The following IL1RAPL1 variants were observed in gnomAD, a reference collection of about 807,000 sequenced individuals.
The protein encoded by IL1RAPL1 is interleukin 1 receptor accessory protein like 1, also known as interleukin-1 receptor accessory protein-like 1.
IL1RAPL1 carries 3 observed loss-of-function variants against 48.4 expected under a neutral mutation model. That is an observed-to-expected ratio of 0.06 (90% CI 0.03 to 0.16). The LOEUF is 0.16. IL1RAPL1 is among the 10% of genes least tolerant of loss of function. The pLI is 1.00. For synonymous variants in IL1RAPL1, 185 were observed against 187.7 expected (o/e 0.99, Z 0.12); for missense variants, 349 against 530.6 (o/e 0.66, Z 3.36).
chrX:29,645,314 G>A (rs1376497944), intron 5 of IL1RAPL1, among the ~76,000 whole-genome samples: 2 of 111,489 alleles, frequency 1.8e-5, no homozygotes, highest in Admixed American at 9.5e-5. Context: ...AATCAGGTGA[G>A]CAATCAAAGC....
At position 29,317,710 on chromosome X, in the gene IL1RAPL1, G is replaced by A. The variant is rs933051720; in HGVS notation, c.362+34493G>A. ...TGAAATACAATATGTCTTCTGGGAA[G>A]GTGGAGAAATCTTTCAGCCTTAGTG... On this transcript the variant is annotated intron_variant, in intron 3 of 10. Transcript: ENST00000378993. Among the ~76,000 whole-genome samples, 4 of 112,295 alleles carry A rather than the reference G, an allele frequency of 3.6e-5. No homozygotes were observed. In the East Asian group the frequency reaches 8.4e-4, roughly 24 times the overall value.
chrX:29,343,870 C>G (rs1402365807), intron 3 of IL1RAPL1, among the ~76,000 whole-genome samples: 1 of 111,494 alleles, frequency 9.0e-6, no homozygotes, highest in Non-Finnish European at 1.9e-5. Context: ...TAGTCTTTCT[C>G]TCTCTCACTT....
chrX:28,744,146 G>A (rs974939125), intron 1 of IL1RAPL1, among the ~76,000 whole-genome samples: 1 of 110,220 alleles, frequency 9.1e-6, no homozygotes, highest in African/African-American at 3.3e-5. Context: ...CTTTCAAAAT[G>A]TATATCTTAT....
Position 28,931,058 on chromosome X carries a change from A to G in IL1RAPL1, c.82+141633A>G, listed in dbSNP as rs1923869304. ...GTGGGTTTTTTGAAAATGTGTATGC[A>G]GATAACAGTGAGTGATATTGCATAA... On this transcript the variant is annotated intron_variant, in intron 2 of 10. Transcript: ENST00000378993. Among the ~76,000 whole-genome samples, 4 of 111,666 alleles carry G rather than the reference A, an allele frequency of 3.6e-5. No homozygotes were observed. In the Admixed American group the frequency reaches 3.8e-4, roughly 11 times the overall value.
At chrX:29,872,026 T>G (rs1931809706) in intron 6 of IL1RAPL1, among the ~76,000 whole-genome samples, 1 of 111,830 alleles carries the variant, frequency 8.9e-6, no homozygotes, top group Non-Finnish European at 1.9e-5. Flanking sequence ...CGGCCCAATC[T>G]AGACCTTTTT....
intron 1 of IL1RAPL1, among the ~76,000 whole-genome samples, chrX:28,762,786 GCACACACACACACA>G (rs759005946): frequency 3.2e-5 from 2 of 63,001 alleles, no homozygotes; most frequent in East Asian, 5.9e-4. Flanking sequence ...GCACGCGCGC[GCACACACACACACA>G]CACACACACA....
At chrX:29,913,155 C>G (rs867567468) in intron 6 of IL1RAPL1, among the ~76,000 whole-genome samples, 1 of 111,180 alleles carries the variant, frequency 9.0e-6, no homozygotes, top group Non-Finnish European at 1.9e-5. Flanking sequence ...TTGACCTCAC[C>G]TGGCCTGCTC....
chrX:29,560,023 C>A (rs1046122220), intron 5 of IL1RAPL1, among the ~76,000 whole-genome samples: 1 of 111,707 alleles, frequency 9.0e-6, no homozygotes, highest in Non-Finnish European at 1.9e-5. Flanking sequence ...ATGTTACTAA[C>A]AAGTGTCCTT....
At chrX:28,707,162 G>A (rs957344325) in intron 1 of IL1RAPL1, among the ~76,000 whole-genome samples, 9 of 112,062 alleles carry the variant, frequency 8.0e-5, no homozygotes, top group Non-Finnish European at 1.7e-4. Flanking sequence ...TACTTCGAAC[G>A]CCTGTGAATC....
chrX:28,749,924 A>G (rs1368847869), intron 1 of IL1RAPL1, among the ~76,000 whole-genome samples: 1 of 98,589 alleles, frequency 1.0e-5, no homozygotes, highest in Non-Finnish European at 1.9e-5. Context: ...AAAGAAAAAA[A>G]AAGAAAAAAA....
At chrX:28,621,662 A>G (rs1170248160) in intron 1 of IL1RAPL1, among the ~76,000 whole-genome samples, 2 of 112,260 alleles carry the variant, frequency 1.8e-5, no homozygotes, top group African/African-American at 6.5e-5. Context: ...TACTGTTTCA[A>G]TGTTAGCAAA....
intron 2 of IL1RAPL1, among the ~76,000 whole-genome samples, chrX:28,999,223 C>T (rs1002675133): frequency 9.0e-6 from 1 of 111,598 alleles, no homozygotes; most frequent in Non-Finnish European, 1.9e-5. Flanking sequence ...ATCTTCTTCC[C>T]GCCTACACAC....
At chrX:29,768,982 A>G (rs1387458802) in intron 6 of IL1RAPL1, among the ~76,000 whole-genome samples, 2 of 111,112 alleles carry the variant, frequency 1.8e-5, no homozygotes, top group African/African-American at 6.6e-5. Flanking sequence ...CCTCCTTCCA[A>G]TCTATCTGCT....
intron 3 of IL1RAPL1, among the ~76,000 whole-genome samples, chrX:29,298,699 G>A (rs191575220): frequency 8.9e-6 from 1 of 111,787 alleles, no homozygotes; most frequent in Admixed American, 9.5e-5. Context: ...TGTGTTTCAG[G>A]AATTTTTGAT....
At chrX:29,121,688 A>G (rs1197482311) in intron 2 of IL1RAPL1, among the ~76,000 whole-genome samples, 1 of 111,929 alleles carries the variant, frequency 8.9e-6, no homozygotes, top group African/African-American at 3.2e-5. Flanking sequence ...GACTCATGTG[A>G]TTCAGTTGAG....
chrX:29,550,501 T>C (rs1401833252), intron 5 of IL1RAPL1, among the ~76,000 whole-genome samples: 1 of 112,090 alleles, frequency 8.9e-6, no homozygotes, highest in African/African-American at 3.2e-5. Context: ...TTCTACTCAA[T>C]CCAAGTAAAG....
chrX:29,181,306 A>T (rs964792074), intron 2 of IL1RAPL1, among the ~76,000 whole-genome samples: 2 of 111,881 alleles, frequency 1.8e-5, no homozygotes, highest in Non-Finnish European at 3.8e-5. Context: ...ATTTAATACT[A>T]TATTCTCACT....
intron 2 of IL1RAPL1, among the ~76,000 whole-genome samples, chrX:29,269,934 C>T (rs990420571): frequency 1.8e-5 from 2 of 111,147 alleles, no homozygotes; most frequent in African/African-American, 6.5e-5. Context: ...TCCCTTTCGT[C>T]ACTATCCCAG....
At chrX:29,176,297 G>T (rs1465026914) in intron 2 of IL1RAPL1, among the ~76,000 whole-genome samples, 3 of 103,328 alleles carry the variant, frequency 2.9e-5, no homozygotes, top group African/African-American at 1.1e-4. Context: ...GTAGAGACGG[G>T]GTTTCACCGT....
Sources: allele counts gnomAD v4.1 joint callset (sites outside exome capture counted in the v4.1 genomes callset), GRCh38; gene constraint gnomAD v4.1.1; transcripts MANE v1.5; gene names NCBI Gene and HGNC (gene_info 2026-07-23, HGNC 2026-07-21).